The following COPB1 variants were observed in gnomAD, a reference collection of about 807,000 sequenced individuals.
COPB1 encodes coatomer subunit beta.
Under a neutral mutation model 108.7 loss-of-function variants are expected in COPB1, and 21 were observed. That is an observed-to-expected ratio of 0.19 (90% confidence interval 0.14 to 0.28). The LOEUF is 0.28. Ranked by LOEUF, COPB1 falls within the 10% of genes least tolerant of loss-of-function variation. The pLI is 1.00. For missense variants in COPB1, 919 were observed against 1,141.3 expected (o/e 0.81, Z 2.81); for synonymous variants, 378 against 386.8 (o/e 0.98, Z 0.27).
chr11:14,489,039 G>A (rs866497583), intron 5 of COPB1, among the ~76,000 whole-genome samples: 1 of 152,042 alleles, frequency 6.6e-6, no homozygotes, highest in Non-Finnish European at 1.5e-5. Context: ...TTCTGATTAC[G>A]CCCCTCAATG....
chr11:14,494,723 T>A, intron 2 of COPB1: 1 of 293,034 alleles, frequency 3.4e-6, no homozygotes, highest in South Asian at 8.7e-5. Context: ...GCAGGCTCCA[T>A]GAATCTACAG....
chr11:14,460,741 C>A (rs765704328), intron 19 of COPB1, among the ~76,000 whole-genome samples: 7 of 152,042 alleles, frequency 4.6e-5, no homozygotes, highest in Non-Finnish European at 5.9e-5. Context: ...TGAGCACGAG[C>A]AATCTGCCTG....
chr11:14,481,945 T>A (rs916746787), intron 8 of COPB1, among the ~76,000 whole-genome samples: 10 of 152,142 alleles, frequency 6.6e-5, no homozygotes, highest in Middle Eastern at 3.4e-3. Flanking sequence ...CACACCACCA[T>A]GTCCAGCTAA....
chr11:14,471,840 T>G (rs1565015367), intron 14 of COPB1, among the ~76,000 whole-genome samples: 3 of 152,162 alleles, frequency 2.0e-5, no homozygotes, highest in African/African-American at 7.2e-5. Context: ...GAGAATTGCT[T>G]AAACCCAGGA....
intron 11 of COPB1, 69 bp from the exon 12 acceptor site, chr11:14,477,084 A>C: frequency 8.9e-7 from 1 of 1,129,448 alleles, no homozygotes; most frequent in Non-Finnish European, 1.3e-6. Flanking sequence ...TTTCTTTGTT[A>C]ATTTAAGCTC....
intron 4 of COPB1, among the ~76,000 whole-genome samples, chr11:14,492,769 T>C (rs1212591983): frequency 6.6e-6 from 1 of 152,238 alleles, no homozygotes; most frequent in African/African-American, 2.4e-5. Context: ...AATTACATTG[T>C]AGTCCTTAAT....
intron 12 of COPB1, among the ~76,000 whole-genome samples, 157 bp downstream of exon 12, chr11:14,476,762 C>CTTTTT (rs10612229): frequency 1.5e-5 from 2 of 131,012 alleles, no homozygotes; most frequent in African/African-American, 2.8e-5. Flanking sequence ...GCTACTGCTT[C>CTTTTT]TTTTTTTTTT....
At chr11:14,460,973 T>C (rs1021063212) in intron 19 of COPB1, among the ~76,000 whole-genome samples, 1 of 152,218 alleles carries the variant, frequency 6.6e-6, no homozygotes, top group Non-Finnish European at 1.5e-5. Context: ...AGATTGGCTA[T>C]AGAACTGCTA....
chr11:14,495,394 G>A (rs1265141162), intron 2 of COPB1, among the ~76,000 whole-genome samples: 1 of 152,174 alleles, frequency 6.6e-6, no homozygotes, highest in African/African-American at 2.4e-5. Context: ...AGTAGTTACC[G>A]GGAACCAGAT....
At chr11:14,478,948 G>T (rs1165273859) in intron 11 of COPB1, 1 of 76,142 alleles carries the variant, frequency 1.3e-5, no homozygotes, top group African/African-American at 5.0e-5. Flanking sequence ...TTGCCGGAAA[G>T]CCCTCTCACA....
chr11:14,461,468 T>G, intron 18 of COPB1, 137 bp from the exon 19 acceptor site: 14 of 778,550 alleles, frequency 1.8e-5, no homozygotes, highest in Non-Finnish European at 2.6e-5. Context: ...TACAGAGCTC[T>G]ATTCTACATG....
At chr11:14,467,882 T>C (rs994437400) in intron 16 of COPB1, among the ~76,000 whole-genome samples, 7 of 152,060 alleles carry the variant, frequency 4.6e-5, no homozygotes, top group Admixed American at 4.6e-4. Context: ...TAGGGGTAAG[T>C]AGAGGTTGAG....
At chr11:14,496,684 G>GA (rs35125378) in intron 2 of COPB1, among the ~76,000 whole-genome samples, 33 of 143,790 alleles carry the variant, frequency 2.3e-4, no homozygotes, top group South Asian at 4.4e-4. Context: ...ATTCTTCACA[G>GA]AAAAAAAAAA....
intron 17 of COPB1, among the ~76,000 whole-genome samples, chr11:14,465,359 G>A (rs994461115): frequency 1.3e-5 from 2 of 152,140 alleles, no homozygotes; most frequent in African/African-American, 4.8e-5. Context: ...TTGAGATAGG[G>A]TCTTGCTTTG....
chr11:14,469,570 A>C lies in COPB1; in HGVS notation c.1738-7T>G. 1 of 1,609,828 alleles carries C rather than the reference A, an allele frequency of 6.2e-7. No homozygotes were observed. Among genetic ancestry groups the C allele is most frequent in the South Asian group, 1.1e-5 (1 of 91,004 alleles). On this transcript the variant is annotated splice_region_variant and splice_polypyrimidine_tract_variant and intron_variant, in intron 14 of 21. Coordinates refer to ENST00000439561, the MANE Select transcript of COPB1 (RefSeq NM_001144061.2). The stretch of plus-strand genomic sequence containing the variant: ...TAGCCTCAGCAACAAAAGACTAAGA[A>C]AGTAAAGAAATCGGTTACTGATATT...
intron 11 of COPB1, among the ~76,000 whole-genome samples, chr11:14,479,364 G>A (rs986617648): frequency 2.0e-5 from 3 of 152,112 alleles, no homozygotes; most frequent in Admixed American, 6.5e-5. Flanking sequence ...TAGAGACCCT[G>A]AGCTAAATCA....
At chr11:14,469,256 C>CA in intron 15 of COPB1, 80 bp downstream of exon 15, 1 of 1,215,166 alleles carries the variant, frequency 8.2e-7, no homozygotes, top group South Asian at 1.3e-5. Context: ...CTCAGCCTCC[C>CA]AAAGTGCTGG....
intron 11 of COPB1, among the ~76,000 whole-genome samples, chr11:14,477,682 G>C (rs373337180): frequency 6.6e-6 from 1 of 152,036 alleles, no homozygotes; most frequent in Non-Finnish European, 1.5e-5. Flanking sequence ...ATCACCTGAG[G>C]TTGGGAGTTC....
At chr11:14,495,521 C>T (rs1850999596) in intron 2 of COPB1, among the ~76,000 whole-genome samples, 1 of 152,140 alleles carries the variant, frequency 6.6e-6, no homozygotes, top group South Asian at 2.1e-4. Context: ...CATTTAATAG[C>T]CACTTAAAAT....
Sources: allele counts gnomAD v4.1 joint callset (sites outside exome capture counted in the v4.1 genomes callset), GRCh38; gene constraint gnomAD v4.1.1; transcripts MANE v1.5; gene names NCBI Gene and HGNC (gene_info 2026-07-23, HGNC 2026-07-21).